The following FBXO3 variants were observed in gnomAD, a reference collection of about 807,000 sequenced individuals.
FBXO3 encodes F-box protein 3.
A neutral mutation model predicts 64.8 loss-of-function variants in FBXO3; 17 were observed. The observed-to-expected ratio is 0.26, with a 90% CI of 0.18 to 0.39. The LOEUF is 0.39. FBXO3 is among the 10% of genes least tolerant of loss of function. The pLI, the probability that FBXO3 is intolerant of heterozygous loss-of-function variation, is 1.00. For synonymous variants in FBXO3, 182 were observed against 201.6 expected, an observed-to-expected ratio of 0.90 and a Z score of 0.82; for missense variants, 420 against 589.9, an observed-to-expected ratio of 0.71 and a Z score of 2.98.
rs371527457 is a variant in FBXO3, at chr11:33,755,840, A to G, written c.609T>C (p.Gly203=). 6 of 1,613,980 alleles carry G rather than the reference A, an allele frequency of 3.7e-6. No homozygotes were observed. The African/African-American group carries it at 8.0e-5, about 22-fold the overall frequency. Residue 203 remains glycine, a synonymous_variant, in exon 5 of 11, where the codon GGT becomes GGC. Transcript: ENST00000265651. ...CTTCCACTGCTATGTACTGACTCAAACCAGTATGTATGCAAAAAGTTAAAG... is the reference window on the plus strand; with the variant it reads ...CTTCCACTGCTATGTACTGACTCAAGCCAGTATGTATGCAAAAAGTTAAAG... The part of the protein sequence containing the change: ...CLPLTFCIHT[G]LSQYIAVEAA...
chr11:33,742,388 CA>C (rs1462845743), intron 10 of FBXO3: 1 of 184,788 alleles, frequency 5.4e-6, no homozygotes, highest in Non-Finnish European at 1.1e-5. Flanking sequence ...AGGCTAGCCT[CA>C]AACTCCTGGG....
In FBXO3 at chr11:33,755,016, C is replaced by T. The variant is rs1855060493; in HGVS notation, c.679-516G>A. Among the ~76,000 whole-genome samples the T allele has an allele frequency of 2.0e-5, 3 of 152,122 alleles. 1 individual carries two copies. In the South Asian group the frequency reaches 6.2e-4, roughly 32 times the overall value. On this transcript the variant is annotated intron_variant, in intron 5 of 10. Transcript: ENST00000265651. ...CAAGTAGCTGGGACTAAGGCATGCG[C>T]CACCACACCTGGCTAGTTTTTGTGT...
At chr11:33,744,602 C>A (rs1269115336) in intron 10 of FBXO3, 1 of 152,078 alleles carries the variant, frequency 6.6e-6, no homozygotes, top group Non-Finnish European at 1.5e-5. Context: ...ACCCCCATGG[C>A]TTTTTTAATG....
intron 4 of FBXO3, among the ~76,000 whole-genome samples, 166 bp downstream of exon 4, chr11:33,758,321 T>C (rs977827761): frequency 1.7e-4 from 26 of 152,350 alleles, no homozygotes; most frequent in African/African-American, 6.0e-4. Flanking sequence ...TTTGGTAAAA[T>C]CTAATTCAAG....
At chr11:33,768,499 G>A (rs938480722) in intron 3 of FBXO3, among the ~76,000 whole-genome samples, 2 of 152,084 alleles carry the variant, frequency 1.3e-5, no homozygotes, top group Non-Finnish European at 2.9e-5. Context: ...TGTATCAACA[G>A]TGTTGATACA....
intron 1 of FBXO3, chr11:33,771,875 T>C (rs1238019366): frequency 1.3e-5 from 2 of 152,182 alleles, no homozygotes; most frequent in Non-Finnish European, 2.9e-5. Flanking sequence ...AGGAGCTAAA[T>C]GACATAAAAG....
Position 33,774,421 on chromosome 11 carries a change from G to A in FBXO3, c.77C>T (p.Ser26Phe), listed in dbSNP as rs1186993556. Residue 26 changes from serine (S) to phenylalanine (F), a missense_variant, in exon 1 of 11, where the codon TCC becomes TTC. Ser to Phe is a radical substitution (Grantham distance 155). Coordinates refer to ENST00000265651, the MANE Select transcript of FBXO3 (RefSeq NM_012175.4). ...GATTAGATCCCGATAGTCCAAAAAG[G>A]ATAAGATGAGGAGCAGGGGATCGGT... is the stretch of plus-strand genomic sequence containing the variant. The part of the protein sequence containing the change: ...LPTDPLLLIL[S>F]FLDYRDLINC... 1.2e-6 allele frequency: 2 copies of A among 1,605,912 alleles called. No individual in the cohort carries two copies. Among genetic ancestry groups the A allele is most frequent in the East Asian group, 2.3e-5 (1 of 43,764 alleles).
chr11:33,747,569 T>C (rs576635760), intron 9 of FBXO3, among the ~76,000 whole-genome samples: 2 of 151,614 alleles, frequency 1.3e-5, no homozygotes, highest in Admixed American at 6.6e-5. Flanking sequence ...TGGAGTGCAG[T>C]GGCGTGATCT....
chr11:33,750,572 T>C lies in FBXO3; in HGVS notation c.899A>G (p.His300Arg). ...TSFLPELSSV[H>R]PPHYFFTYRI... is the part of the protein sequence containing the mutation. ...GTATGTGAAGAAATAGTGGGGTGGA[T>C]GTACAGAGCTAAGTTCTGGCAGAAA... is the stretch of plus-strand genomic sequence containing the variant. The change falls in exon 8 of 11, where the codon CAT becomes CGT. Residue 300 changes from histidine (H) to arginine (R), a missense_variant. His to Arg is a conservative substitution (Grantham distance 29). This residue lies in a region of FBXO3 where 337 missense variants were observed against 518.4 expected (regional missense o/e 0.65). Transcript: ENST00000265651. The C allele has an allele frequency of 6.2e-7, 1 of 1,613,924 alleles. No individual in the cohort carries two copies. Among genetic ancestry groups the C allele is most frequent in the Admixed American group, 1.7e-5 (1 of 59,978 alleles).
At chr11:33,757,015 C>T (rs368047844) in intron 4 of FBXO3, 10 of 518,586 alleles carry the variant, frequency 1.9e-5, no homozygotes, top group Admixed American at 5.8e-5. Context: ...CAGGTGTGAG[C>T]GACCACACCC....
chr11:33,767,763 C>G (rs1855413132), intron 3 of FBXO3: 1 of 152,190 alleles, frequency 6.6e-6, no homozygotes, highest in African/African-American at 2.4e-5. Flanking sequence ...AAGCCCTTAC[C>G]TTATCATCAC....
intron 9 of FBXO3, among the ~76,000 whole-genome samples, chr11:33,747,983 A>G (rs1355120319): frequency 6.6e-6 from 1 of 152,172 alleles, no homozygotes; most frequent in East Asian, 1.9e-4. Flanking sequence ...CACAGACACC[A>G]GTTCAAACAA....
chr11:33,761,694 A>G (rs1855247350), intron 3 of FBXO3, among the ~76,000 whole-genome samples: 1 of 152,206 alleles, frequency 6.6e-6, no homozygotes, highest in Admixed American at 6.5e-5. Flanking sequence ...CTCAGGCCCC[A>G]AAAGGCTGAA....
intron 3 of FBXO3, among the ~76,000 whole-genome samples, chr11:33,759,995 G>A (rs1016723209): frequency 6.6e-6 from 1 of 152,114 alleles, no homozygotes; most frequent in Admixed American, 6.5e-5. Flanking sequence ...AAGACAAAAA[G>A]GGACGGAAAA....
At chr11:33,744,662 G>C (rs1299717894) in intron 10 of FBXO3, 1 of 152,138 alleles carries the variant, frequency 6.6e-6, no homozygotes, top group Admixed American at 6.5e-5. Context: ...ATCCTTGAGA[G>C]AAAACATTTT....
chr11:33,771,086 C>A, intron 1 of FBXO3: 2 of 323,598 alleles, frequency 6.2e-6, no homozygotes, highest in South Asian at 4.8e-5. Flanking sequence ...AAAATATCTA[C>A]AGACCATATA....
At chr11:33,771,209 G>A (rs943941567) in intron 1 of FBXO3, 2 of 154,240 alleles carry the variant, frequency 1.3e-5, no homozygotes, top group Non-Finnish European at 2.9e-5. Context: ...GGGACTTGGG[G>A]TTTTTTCCCA....
At chr11:33,754,595 A>G (rs1855045384) in intron 5 of FBXO3, 95 bp from the exon 6 acceptor site, 8 of 1,044,984 alleles carry the variant, frequency 7.7e-6, no homozygotes, top group Non-Finnish European at 1.1e-5. Context: ...GAGGCAAAAC[A>G]GATAAAAATA....
chr11:33,747,369 T>TATTACA (rs1437299127), intron 9 of FBXO3, 49 bp from the exon 10 acceptor site: 1 of 1,438,924 alleles, frequency 6.9e-7, no homozygotes, highest in Non-Finnish European at 9.7e-7. Flanking sequence ...TTCATTTCTT[T>TATTACA]ATTACAATAA....
Sources: allele counts gnomAD v4.1 joint callset (sites outside exome capture counted in the v4.1 genomes callset), GRCh38; gene constraint gnomAD v4.1.1; regional missense constraint gnomAD v4.1.1; transcripts MANE v1.5; gene names NCBI Gene and HGNC (gene_info 2026-07-23, HGNC 2026-07-21).